ARPP21: variants seen among roughly 807,000 people sequenced by gnomAD.
ARPP21 encodes the protein cAMP regulated phosphoprotein 21, also known as cAMP-regulated phosphoprotein 21.
Under a neutral mutation model 113.2 loss-of-function variants are expected in ARPP21, and 69 were observed. The observed-to-expected ratio is 0.61, with a 90% CI of 0.50 to 0.74. ARPP21 has a LOEUF of 0.74. ARPP21 is among the 30% of genes least tolerant of loss of function. The probability of loss-of-function intolerance (pLI) is 0.00; values close to 1 mark genes in which losing one functional copy is unlikely to be tolerated. For missense variants in ARPP21, 1,070 were observed against 1,037.4 expected (o/e 1.03, Z -0.43); for synonymous variants, 368 against 375.5 (o/e 0.98, Z 0.23).
At chr3:35,682,787 AT>A in intron 3 of ARPP21, 60 bp from the exon 4 acceptor site, 4 of 1,470,646 alleles carry the variant, frequency 2.7e-6, no homozygotes, top group Non-Finnish European at 3.7e-6. Flanking sequence ...TCGGTTGTTG[AT>A]TTACTGTTCG....
chr3:35,748,067 G>GAAAGA (rs2095201528), intron 19 of ARPP21, among the ~76,000 whole-genome samples: 2 of 86,958 alleles, frequency 2.3e-5, no homozygotes, highest in East Asian at 6.4e-4. Flanking sequence ...AAGAAGGAAG[G>GAAAGA]AAGAAAGAAA....
In ARPP21 at chr3:35,723,554, T is replaced by C. The variant is rs374857667; in HGVS notation, c.1225+1720T>C. ...CCACTGTAGTACACTTGAGCTCTTGTAAACTAAGATAGGTTTAATAGTTTT... is the reference window on the plus strand; with the variant it reads ...CCACTGTAGTACACTTGAGCTCTTGCAAACTAAGATAGGTTTAATAGTTTT... On this transcript the variant is annotated intron_variant, in intron 14 of 20. Transcript: ENST00000684406. Among the ~76,000 whole-genome samples the C allele has an allele frequency of 5.3e-5, 8 of 152,330 alleles. 1 individual carries two copies. Among genetic ancestry groups the C allele is most frequent in the Admixed American group, 3.9e-4 (6 of 15,298 alleles).
chr3:35,716,411 C>G (rs1452015701), intron 12 of ARPP21, among the ~76,000 whole-genome samples: 1 of 152,000 alleles, frequency 6.6e-6, no homozygotes, highest in Non-Finnish European at 1.5e-5. Context: ...AGATGATTGG[C>G]TTAAAAAATT....
rs539313435 is a variant in ARPP21, at chr3:35,709,762, C to A, written c.897+692C>A. On this transcript the variant is annotated intron_variant, in intron 11 of 20. Transcript: ENST00000684406. ...GGAAAAGGGCAAGCAACTGCCATAG[C>A]GTTTTCATTCCATGCAATCATTTAG... 5.3e-5 allele frequency among the ~76,000 whole-genome samples: 8 copies of A among 152,304 alleles called. No homozygotes were observed. In the South Asian group the frequency reaches 1.7e-3, roughly 32 times the overall value.
At chr3:35,676,855 G>T (rs1467349949) in intron 1 of ARPP21, among the ~76,000 whole-genome samples, 1 of 151,712 alleles carries the variant, frequency 6.6e-6, no homozygotes, top group African/African-American at 2.4e-5. Context: ...CAGAATAATT[G>T]TTTTGAGAAT....
chr3:35,655,818 A>C (rs1047457686), intron 1 of ARPP21, among the ~76,000 whole-genome samples: 2 of 152,072 alleles, frequency 1.3e-5, no homozygotes, highest in Non-Finnish European at 1.5e-5. Context: ...CATCATATAC[A>C]TGAGAATCAC....
At chr3:35,706,692 C>T (rs2089233488) in intron 9 of ARPP21, among the ~76,000 whole-genome samples, 1 of 152,154 alleles carries the variant, frequency 6.6e-6, no homozygotes, top group Non-Finnish European at 1.5e-5. Context: ...CTAAAGAAAA[C>T]ATCTATACAA....
chr3:35,738,368 T>G (rs1482744115), intron 17 of ARPP21, 50 bp downstream of exon 17: 3 of 1,440,312 alleles, frequency 2.1e-6, no homozygotes, highest in Non-Finnish European at 2.8e-6. Context: ...GCATATTCTC[T>G]GATTTTACTA....
At chr3:35,789,951 C>T (rs539614126) in intron 19 of ARPP21, among the ~76,000 whole-genome samples, 147 of 152,218 alleles carry the variant, frequency 9.7e-4, no homozygotes, top group Middle Eastern at 3.4e-3. Flanking sequence ...CAAACAAATG[C>T]CTCTGTGAAA....
intron 15 of ARPP21, among the ~76,000 whole-genome samples, chr3:35,732,680 A>T (rs1348120188): frequency 6.6e-6 from 1 of 152,184 alleles, no homozygotes; most frequent in East Asian, 1.9e-4. Flanking sequence ...ATGTTCATAT[A>T]TGTTATTTTG....
intron 15 of ARPP21, among the ~76,000 whole-genome samples, chr3:35,730,218 A>G (rs774117181): frequency 6.6e-6 from 1 of 152,214 alleles, no homozygotes. Flanking sequence ...CTAGTGGGTC[A>G]GTTGACTTCC....
rs1247702935 is a variant in ARPP21, at chr3:35,737,360, C to G, written c.1642C>G (p.Gln548Glu). ...QPQMAGPLVT[Q>E]SVQGLQASSQ... is the part of the protein sequence containing the mutation. ...ACAGATGGCAGGCCCTCTGGTCACTCAGGTAGGGGGCTGGTTGGAAGGCAG... is the reference window on the plus strand; with the variant it reads ...ACAGATGGCAGGCCCTCTGGTCACTGAGGTAGGGGGCTGGTTGGAAGGCAG... Residue 548 changes from glutamine to glutamate, a missense_variant and splice_region_variant, in exon 16 of 21, where the codon CAG (glutamine) becomes GAG (glutamate). By Grantham distance (29) the Gln-to-Glu change is conservative. Transcript: ENST00000684406. The G allele has an allele frequency of 6.2e-7, 1 of 1,604,848 alleles. No individual in the cohort carries two copies. Among genetic ancestry groups the G allele is most frequent in the East Asian group, 2.2e-5 (1 of 44,714 alleles).
At position 35,739,389 on chromosome 3, in the gene ARPP21, C is replaced by T. The variant is rs145657305; in HGVS notation, c.1822C>T (p.Pro608Ser). Residue 608 changes from proline (P) to serine (S), a missense_variant, in exon 18 of 21, where the codon CCA becomes TCA. By Grantham distance (74) the Pro-to-Ser change is moderately conservative (BLOSUM62 -1). Coordinates refer to ENST00000684406, the MANE Select transcript of ARPP21 (RefSeq NM_001385562.1). ...GTCCTCGGGGGAGACTCCTGAACCC[C>T]CATCAGGTCCTGTCTACCCATCCTC... The part of the protein sequence containing the change: ...RQSSGETPEP[P>S]SGPVYPSSLM... 3.1e-6 allele frequency: 5 copies of T among 1,614,016 alleles called. No homozygotes were observed. In the African/African-American group the frequency reaches 4.0e-5, roughly 13 times the overall value.
At chr3:35,708,928 C>T (rs774822083) in intron 10 of ARPP21, 41 bp from the exon 11 acceptor site, 44 of 1,407,198 alleles carry the variant, frequency 3.1e-5, no homozygotes, top group East Asian at 1.4e-4. Context: ...TTTCTAACAA[C>T]GCAACTTGGA....
intron 19 of ARPP21, among the ~76,000 whole-genome samples, chr3:35,772,069 C>A (rs193259486): frequency 1.3e-4 from 20 of 152,176 alleles, no homozygotes; most frequent in African/African-American, 4.8e-4. Flanking sequence ...GCAAATGTAG[C>A]TGTTATTTGA....
chr3:35,674,504 A>G (rs1470761432), intron 1 of ARPP21, among the ~76,000 whole-genome samples: 2 of 151,754 alleles, frequency 1.3e-5, no homozygotes, highest in Non-Finnish European at 2.9e-5. Flanking sequence ...GATTGTAATT[A>G]ATTGTTCCAC....
rs898050767 is a variant in ARPP21, at chr3:35,779,292, T to C, written c.2138-13090T>C. Among the ~76,000 whole-genome samples the C allele has an allele frequency of 4.6e-5, 7 of 152,158 alleles. 1 individual carries two copies. The highest frequency in any genetic ancestry group is 8.8e-5 in the Non-Finnish European group (6 of 68,030). On this transcript the variant is annotated intron_variant, in intron 19 of 20. Transcript: ENST00000684406. ...CCAATTATGAAGTACTTGTGGACTA[T>C]TACCAACAAAACAGAACACAATTCC...
rs1001551743 is a variant in ARPP21, at chr3:35,687,372, CT to C, written c.262-356del. 3.7e-3 allele frequency among the ~76,000 whole-genome samples: 522 copies of C among 142,306 alleles called. 3 individuals carry two copies. The highest frequency in any genetic ancestry group is 7.5e-3 in the Middle Eastern group (2 of 266). The allele number at this position is 142,306 out of a possible 152,430, so 93.4% of individuals were successfully genotyped here. A position where few individuals can be genotyped will look rare whatever the true frequency, so the allele number is the denominator to read the frequency against. On this transcript the variant is annotated intron_variant, in intron 5 of 20. Transcript: ENST00000684406. ...AATTATAGAATAGAACTACGGAGGA[CT>C]TTTTTTTTTTAATACAATGGCTGTG...
At chr3:35,739,629 T>G in intron 18 of ARPP21, 52 bp downstream of exon 18, 1 of 1,547,658 alleles carries the variant, frequency 6.5e-7, no homozygotes, top group Non-Finnish European at 8.7e-7. Flanking sequence ...TGATGCATTT[T>G]GACCTTTATC....
Sources: allele counts gnomAD v4.1 joint callset (sites outside exome capture counted in the v4.1 genomes callset), GRCh38; gene constraint gnomAD v4.1.1; transcripts MANE v1.5; gene names NCBI Gene and HGNC (gene_info 2026-07-23, HGNC 2026-07-21).